NF1: variants seen among roughly 807,000 people sequenced by gnomAD.
The protein encoded by NF1 is neurofibromin.
Under a neutral mutation model 325.7 loss-of-function variants are expected in NF1, and 122 were observed. The observed-to-expected ratio is 0.37, with a 90% CI of 0.32 to 0.44. The LOEUF is 0.44. Among genes scored for constraint, NF1 ranks in the 20% least tolerant of loss-of-function variants. The pLI, the probability that NF1 is intolerant of heterozygous loss-of-function variation, is 1.00. For synonymous variants in NF1, 1,091 were observed against 1,186.0 expected (o/e 0.92, Z 1.65); for missense variants, 2,140 against 3,415.4 (o/e 0.63, Z 9.31).
At chr17:31,215,696 T>C (rs1392565262) in intron 13 of NF1, among the ~76,000 whole-genome samples, 1 of 152,230 alleles carries the variant, frequency 6.6e-6, no homozygotes, top group Non-Finnish European at 1.5e-5. Context: ...TAGGATGACA[T>C]GTTTAACCTT....
intron 36 of NF1, among the ~76,000 whole-genome samples, chr17:31,313,372 G>A (rs1172810456): frequency 6.6e-6 from 1 of 152,096 alleles, no homozygotes; most frequent in African/African-American, 2.4e-5. Context: ...TATCTGCCAT[G>A]GCTATAGTTT....
At chr17:31,152,316 G>T (rs559128149) in intron 1 of NF1, among the ~76,000 whole-genome samples, 15 of 151,622 alleles carry the variant, frequency 9.9e-5, no homozygotes, top group African/African-American at 3.6e-4. Context: ...GCACATTAAA[G>T]ATACAGTTTC....
chr17:31,138,812 G>C (rs1915992802), intron 1 of NF1, among the ~76,000 whole-genome samples: 1 of 150,808 alleles, frequency 6.6e-6, no homozygotes. Flanking sequence ...TCAATCTCCT[G>C]ATGTCGTGAT....
chr17:31,276,232 A>AAAG (rs1555620775), intron 36 of NF1, among the ~76,000 whole-genome samples: 2 of 134,416 alleles, frequency 1.5e-5, no homozygotes, highest in African/African-American at 5.3e-5. Flanking sequence ...AAAAAAAAAA[A>AAAG]GGGGCACAAT....
intron 1 of NF1, among the ~76,000 whole-genome samples, chr17:31,139,477 TA>T (rs1482721582): frequency 3.3e-5 from 5 of 152,044 alleles, no homozygotes; most frequent in Non-Finnish European, 7.3e-5. Flanking sequence ...ATACATCTAT[TA>T]AATTATCATG....
intron 36 of NF1, chr17:31,294,482 A>G: frequency 6.0e-6 from 1 of 166,460 alleles, no homozygotes; most frequent in Non-Finnish European, 1.3e-5. Flanking sequence ...TTGTAGCATA[A>G]CCATTCATGG....
At chr17:31,354,140 A>C (rs2070215762) in intron 51 of NF1, among the ~76,000 whole-genome samples, 1 of 152,246 alleles carries the variant, frequency 6.6e-6, no homozygotes, top group South Asian at 2.1e-4. Flanking sequence ...CTGCCCTGGA[A>C]GACTTTGTAA....
chr17:31,360,818 C>T (rs1382973464), intron 57 of NF1, 115 bp downstream of exon 57: 8 of 864,440 alleles, frequency 9.3e-6, no homozygotes, highest in South Asian at 1.4e-5. Flanking sequence ...TGAGATTCAC[C>T]TTACATTTCT....
intron 1 of NF1, among the ~76,000 whole-genome samples, chr17:31,109,969 G>C (rs1913261809): frequency 6.6e-6 from 1 of 152,060 alleles, no homozygotes. Flanking sequence ...GAGGGGAGAG[G>C]AGGAGCAACT....
intron 36 of NF1, among the ~76,000 whole-genome samples, chr17:31,309,119 T>C (rs1438174093): frequency 1.3e-5 from 2 of 152,248 alleles, no homozygotes; most frequent in Non-Finnish European, 2.9e-5. Flanking sequence ...CCTGATGTTA[T>C]ACCACTCGAA....
At chr17:31,127,593 C>CTT (rs199556341) in intron 1 of NF1, among the ~76,000 whole-genome samples, 18 of 139,998 alleles carry the variant, frequency 1.3e-4, no homozygotes, top group African/African-American at 3.9e-4. Flanking sequence ...TGTCTTTATA[C>CTT]TTTTTTTTTT....
chr17:31,190,109 A>AG (rs1443134346), intron 8 of NF1, among the ~76,000 whole-genome samples: 1 of 148,774 alleles, frequency 6.7e-6, no homozygotes, highest in Non-Finnish European at 1.5e-5. Flanking sequence ...AAAAAAAAAA[A>AG]GCTGGCCATG....
chr17:31,276,923 A>C (rs1049403521), intron 36 of NF1, among the ~76,000 whole-genome samples: 4 of 105,386 alleles, frequency 3.8e-5, no homozygotes, highest in Admixed American at 1.8e-4. Flanking sequence ...TTGCCTCCCC[A>C]AAAACTAAAC....
chr17:31,304,761 TA>T, intron 36 of NF1: 1 of 1,614,186 alleles, frequency 6.2e-7, no homozygotes, highest in Non-Finnish European at 8.5e-7. Flanking sequence ...AGTCATCTGC[TA>T]AAAGTGTGCT....
At chr17:31,217,568 G>A (rs140436655) in intron 13 of NF1, among the ~76,000 whole-genome samples, 3,067 of 151,886 alleles carry the variant, frequency 0.02, 100 homozygotes, top group African/African-American at 0.071. Flanking sequence ...GCCTCCCAAA[G>A]TGCTGGGATT....
At chr17:31,369,871 G>A (rs2070599480) in intron 57 of NF1, among the ~76,000 whole-genome samples, 1 of 152,160 alleles carries the variant, frequency 6.6e-6, no homozygotes, top group Non-Finnish European at 1.5e-5. Context: ...AAGAAAGAAT[G>A]CTGCCAAAAT....
At position 31,377,558 on chromosome 17, in the gene NF1, G is replaced by A. The variant is rs1035909355; in HGVS notation, c.*3403G>A. 10 of 232,828 alleles carry A rather than the reference G, an allele frequency of 4.3e-5. No individual in the cohort carries two copies. Among genetic ancestry groups the A allele is most frequent in the African/African-American group, 6.6e-5 (3 of 45,250 alleles). 14.4% of individuals were successfully genotyped at this position (232,828 alleles called of 1,614,324 possible). ...AACAGACAAAATCGATCATTGTAGG[G>A]GAAAATCATAGAAATCCATTTCAGA... On this transcript the variant is annotated 3_prime_UTR_variant, in exon 58 of 58. Coordinates refer to ENST00000358273, the MANE Select transcript of NF1 (RefSeq NM_001042492.3).
chr17:31,118,511 A>G (rs925638215), intron 1 of NF1, among the ~76,000 whole-genome samples: 4 of 151,760 alleles, frequency 2.6e-5, no homozygotes, highest in Non-Finnish European at 4.4e-5. Flanking sequence ...TCATTGCTCA[A>G]CTCGTACTTA....
intron 1 of NF1, among the ~76,000 whole-genome samples, chr17:31,108,300 A>G (rs1213236514): frequency 8.8e-6 from 1 of 114,212 alleles, no homozygotes; most frequent in East Asian, 2.6e-4. Context: ...TCTGAGACAG[A>G]GTCTCACTCT....
Sources: gnomAD v4.1 joint callset for allele counts (sites outside exome capture counted in the v4.1 genomes callset) on GRCh38, gnomAD v4.1.1 for gene constraint, MANE v1.5 for transcripts, NCBI Gene and HGNC (gene_info 2026-07-23, HGNC 2026-07-21) for gene names.